CDKL3: variants seen among roughly 807,000 people sequenced by gnomAD.
CDKL3 encodes cyclin-dependent kinase-like 3.
CDKL3 carries 65 observed loss-of-function variants against 69.3 expected under a neutral mutation model. The observed-to-expected ratio is 0.94, with a 90% CI of 0.77 to 1.15. The LOEUF (loss-of-function observed/expected upper bound fraction) is 1.15, where lower values mean the gene tolerates loss of function less well. Among genes scored for constraint, CDKL3 ranks in the 50% most tolerant of loss-of-function variants. CDKL3 has a pLI of 0.00. For synonymous variants in CDKL3, 202 were observed against 221.6 expected (o/e 0.91, Z 0.79); for missense variants, 652 against 689.2 (o/e 0.95, Z 0.61).
At chr5:134,363,106 C>T (rs1756451183) in intron 2 of CDKL3, among the ~76,000 whole-genome samples, 1 of 152,042 alleles carries the variant, frequency 6.6e-6, no homozygotes, top group African/African-American at 2.4e-5. Context: ...TTAAGTGCAA[C>T]AGTTGAAGAA....
chr5:134,317,715 C>T (rs1771544481), intron 6 of CDKL3, among the ~76,000 whole-genome samples: 1 of 151,918 alleles, frequency 6.6e-6, no homozygotes, highest in Non-Finnish European at 1.5e-5. Flanking sequence ...TAGTTTGTGC[C>T]CAGGAGTTTG....
At chr5:134,326,416 G>C (rs1774206917) in intron 4 of CDKL3, among the ~76,000 whole-genome samples, 1 of 151,828 alleles carries the variant, frequency 6.6e-6, no homozygotes, top group South Asian at 2.1e-4. Flanking sequence ...ACATTTTGCA[G>C]AAAAAGAGCT....
chr5:134,349,961 G>A (rs1417734147), intron 4 of CDKL3, among the ~76,000 whole-genome samples: 1 of 152,130 alleles, frequency 6.6e-6, no homozygotes, highest in Admixed American at 6.6e-5. Context: ...GCCGAGGCAG[G>A]TAGATCACCT....
intron 4 of CDKL3, among the ~76,000 whole-genome samples, chr5:134,329,619 G>A (rs915990549): frequency 1.3e-5 from 2 of 151,422 alleles, no homozygotes; most frequent in African/African-American, 4.8e-5. Flanking sequence ...ACAGGCACCC[G>A]CCACTACGCC....
chr5:134,311,977 T>G (rs904110497), intron 7 of CDKL3, among the ~76,000 whole-genome samples: 1 of 152,072 alleles, frequency 6.6e-6, no homozygotes, highest in Non-Finnish European at 1.5e-5. Flanking sequence ...GTATTTTTTG[T>G]AGAGACAGGG....
chr5:134,339,156 T>C (rs111307775), intron 4 of CDKL3, among the ~76,000 whole-genome samples: 1,733 of 152,046 alleles, frequency 0.011, 11 homozygotes, highest in Non-Finnish European at 0.018. Flanking sequence ...AGTGAGACTC[T>C]GTCTCACAAA....
intron 12 of CDKL3, among the ~76,000 whole-genome samples, chr5:134,301,080 CT>C (rs1241684815): frequency 6.6e-6 from 1 of 152,000 alleles, no homozygotes; most frequent in Non-Finnish European, 1.5e-5. Context: ...ACTGCGCAAC[CT>C]CCGCCTCCCA....
At position 134,356,187 on chromosome 5, in the gene CDKL3, C is replaced by T. The variant is rs1182806140; in HGVS notation, c.360+3710G>A. Among the ~76,000 whole-genome samples the T allele has an allele frequency of 2.0e-5, 3 of 152,172 alleles. No homozygotes were observed. The East Asian group carries it at 5.8e-4, about 29-fold the overall frequency. Reference sequence around the variant, plus strand: ...GACAGATTATCAGGCATTAGGTTCTCACAAGGAGTGCACAACCTAGATCCC... The same window carrying T: ...GACAGATTATCAGGCATTAGGTTCTTACAAGGAGTGCACAACCTAGATCCC... On this transcript the variant is annotated intron_variant, in intron 3 of 12. Transcript: ENST00000265334.
chr5:134,294,719 A>G (rs915690254), downstream of CDKL3, among the ~76,000 whole-genome samples: 1 of 152,098 alleles, frequency 6.6e-6, no homozygotes, highest in Non-Finnish European at 1.5e-5. Flanking sequence ...AGAAGGAAAA[A>G]CAGAAACTTA....
At chr5:134,368,730 T>C (rs1185211726), upstream of CDKL3, among the ~76,000 whole-genome samples, 1 of 151,672 alleles carries the variant, frequency 6.6e-6, no homozygotes, top group African/African-American at 2.4e-5. Context: ...GGTGTAAGCA[T>C]ATTATTTGTT....
chr5:134,296,329 G>A (rs1176628279), downstream of CDKL3, among the ~76,000 whole-genome samples: 2 of 152,142 alleles, frequency 1.3e-5, no homozygotes, highest in Non-Finnish European at 2.9e-5. Flanking sequence ...ATGGACTGAA[G>A]GTGCTTTCTC....
downstream of CDKL3, among the ~76,000 whole-genome samples, chr5:134,286,088 C>T (rs1252004082): frequency 6.6e-6 from 1 of 152,166 alleles, no homozygotes; most frequent in African/African-American, 2.4e-5. Context: ...TGCCACTGCA[C>T]TCCAGACTGG....
rs111961537 is a variant in CDKL3, at chr5:134,364,694, T to C, written c.165+1665A>G. ...CCCCGGCTAATTTTTGTATTTTTAG[T>C]AGAGATGGGGGTTTCACTACATTGG... On this transcript the variant is annotated intron_variant, in intron 2 of 12. Coordinates refer to ENST00000265334, the MANE Select transcript of CDKL3 (RefSeq NM_001113575.2). Among the ~76,000 whole-genome samples the C allele has an allele frequency of 7.4e-3, 1,120 of 151,920 alleles. 13 individuals are homozygous for C. Among genetic ancestry groups the C allele is most frequent in the African/African-American group, 0.026 (1,069 of 41,420 alleles).
At chr5:134,348,644 T>C (rs1054333863) in intron 4 of CDKL3, among the ~76,000 whole-genome samples, 1 of 151,968 alleles carries the variant, frequency 6.6e-6, no homozygotes, top group African/African-American at 2.4e-5. Context: ...AATTTACAGA[T>C]AATGTACTAA....
At chr5:134,369,120 G>A (rs939032965), upstream of CDKL3, among the ~76,000 whole-genome samples, 3 of 152,282 alleles carry the variant, frequency 2.0e-5, no homozygotes, top group East Asian at 5.8e-4. Context: ...ACTGATAACA[G>A]CATACAGTTA....
chr5:134,317,513 C>A (rs115029351), intron 6 of CDKL3, among the ~76,000 whole-genome samples: 1 of 152,108 alleles, frequency 6.6e-6, no homozygotes, highest in Non-Finnish European at 1.5e-5. Context: ...GATCCCAATA[C>A]TTTCAGAGGC....
upstream of CDKL3, among the ~76,000 whole-genome samples, chr5:134,368,574 G>A (rs148570156): frequency 0.019 from 2,548 of 132,088 alleles, 88 homozygotes; most frequent in African/African-American, 0.069. Flanking sequence ...AGCGGAGATC[G>A]CACCACTACA....
At chr5:134,338,531 A>T (rs912226204) in intron 4 of CDKL3, among the ~76,000 whole-genome samples, 1 of 151,448 alleles carries the variant, frequency 6.6e-6, no homozygotes, top group African/African-American at 2.4e-5. Flanking sequence ...CTCTGCTAAA[A>T]AAAAAAATAC....
At chr5:134,294,260 T>A (rs1322379862), downstream of CDKL3, among the ~76,000 whole-genome samples, 1 of 152,134 alleles carries the variant, frequency 6.6e-6, no homozygotes, top group African/African-American at 2.4e-5. Flanking sequence ...AGGAAAATCA[T>A]AAGACCATCT....
Sources: gnomAD v4.1 joint callset for allele counts (sites outside exome capture counted in the v4.1 genomes callset) on GRCh38, gnomAD v4.1.1 for gene constraint, MANE v1.5 for transcripts, NCBI Gene and HGNC (gene_info 2026-07-23, HGNC 2026-07-21) for gene names.